The following CDKAL1 variants were observed in gnomAD, a reference collection of about 807,000 sequenced individuals.
CDKAL1 encodes the protein CDKAL1 threonylcarbamoyladenosine tRNA methylthiotransferase.
CDKAL1 carries 32 observed loss-of-function variants against 68.2 expected under a neutral mutation model. The observed-to-expected ratio is 0.47, with a 90% CI of 0.35 to 0.63. CDKAL1 has a LOEUF of 0.63. Ranked by LOEUF, CDKAL1 falls within the 30% of genes least tolerant of loss-of-function variation. The probability of loss-of-function intolerance (pLI) is 0.00; values close to 1 mark genes in which losing one functional copy is unlikely to be tolerated. For missense variants in CDKAL1, 606 were observed against 696.7 expected (o/e 0.87, Z 1.47); for synonymous variants, 234 against 244.3 (o/e 0.96, Z 0.39).
At chr6:20,564,726 A>G (rs1056346275) in intron 4 of CDKAL1, among the ~76,000 whole-genome samples, 3 of 152,230 alleles carry the variant, frequency 2.0e-5, no homozygotes, top group African/African-American at 7.2e-5. Context: ...TAAGCCTCTG[A>G]AAACAGTCCA....
At chr6:20,836,040 T>C (rs1034168432) in intron 8 of CDKAL1, among the ~76,000 whole-genome samples, 2 of 152,096 alleles carry the variant, frequency 1.3e-5, no homozygotes, top group African/African-American at 2.4e-5. Flanking sequence ...GACCCATGGG[T>C]TTCTGCTCCC....
At chr6:20,600,189 A>G (rs1008484705) in intron 4 of CDKAL1, among the ~76,000 whole-genome samples, 8 of 152,074 alleles carry the variant, frequency 5.3e-5, no homozygotes, top group South Asian at 2.1e-4. Context: ...TAATTTCTCA[A>G]TCATTTGGTC....
chr6:20,622,853 T>C (rs16883996), intron 4 of CDKAL1, among the ~76,000 whole-genome samples: 20,100 of 151,986 alleles, frequency 0.13, 1,703 homozygotes, highest in South Asian at 0.24. Context: ...TTTGCTGTTA[T>C]CTAGTACAAC....
At chr6:20,579,973 A>C (rs1465668975) in intron 4 of CDKAL1, among the ~76,000 whole-genome samples, 4 of 152,208 alleles carry the variant, frequency 2.6e-5, no homozygotes, top group African/African-American at 9.7e-5. Flanking sequence ...CACGTACCTT[A>C]AGCCTCAGCA....
rs118132953 is a variant in CDKAL1 at position 20,726,011 on chromosome 6, A to G, written c.372-13508A>G. On this transcript the variant is annotated intron_variant, in intron 5 of 15. Transcript: ENST00000274695. ...AAGAAAAATCAAAATATTTTACCCT[A>G]AAATACGTTTTTTTTTCTTCCATAT... Among the ~76,000 whole-genome samples the G allele has an allele frequency of 1.3e-3, 193 of 152,082 alleles. 1 individual carries two copies. Among genetic ancestry groups the G allele is most frequent in the Middle Eastern group, 3.4e-3 (1 of 294 alleles).
chr6:20,832,018 C>T (rs897493324), intron 8 of CDKAL1, among the ~76,000 whole-genome samples: 9 of 152,236 alleles, frequency 5.9e-5, no homozygotes, highest in Admixed American at 2.0e-4. Context: ...ATTGAACCAC[C>T]GCTGCGCTGT....
intron 4 of CDKAL1, among the ~76,000 whole-genome samples, chr6:20,643,271 T>C (rs943988975): frequency 6.6e-6 from 1 of 152,212 alleles, no homozygotes; most frequent in Non-Finnish European, 1.5e-5. Context: ...TTTAAGGCAC[T>C]GGAGGACCTG....
intron 10 of CDKAL1, 63 bp downstream of exon 10, chr6:20,955,648 G>A (rs1764741562): frequency 7.0e-7 from 1 of 1,428,246 alleles, no homozygotes; most frequent in Non-Finnish European, 9.6e-7. Context: ...CAGTGTGGCA[G>A]CCTCAGTATC....
chr6:20,568,608 G>A (rs190741611), intron 4 of CDKAL1, among the ~76,000 whole-genome samples: 46 of 151,754 alleles, frequency 3.0e-4, no homozygotes, highest in African/African-American at 1.0e-3. Flanking sequence ...GGTGGCGGGC[G>A]CCTGTAGTCC....
chr6:20,621,815 G>T, intron 4 of CDKAL1, among the ~76,000 whole-genome samples: 1 of 147,414 alleles, frequency 6.8e-6, no homozygotes, highest in African/African-American at 2.5e-5. Context: ...AAGATGCTCT[G>T]GGCTCATCTT....
intron 9 of CDKAL1, among the ~76,000 whole-genome samples, chr6:20,941,722 C>T (rs2150697663): frequency 6.6e-6 from 1 of 152,250 alleles, no homozygotes; most frequent in South Asian, 2.1e-4. Context: ...TTATTAAAAT[C>T]TTACATTATA....
At chr6:20,595,262 T>C (rs1765770617) in intron 4 of CDKAL1, among the ~76,000 whole-genome samples, 1 of 152,168 alleles carries the variant, frequency 6.6e-6, no homozygotes, top group African/African-American at 2.4e-5. Context: ...TCCTGCAGAG[T>C]GTTTTCCAAC....
intron 13 of CDKAL1, among the ~76,000 whole-genome samples, chr6:21,190,659 G>A (rs772572737): frequency 6.6e-6 from 1 of 152,164 alleles, no homozygotes; most frequent in Non-Finnish European, 1.5e-5. Context: ...GAGCCGCTGC[G>A]CCCGGGCTGA....
intron 12 of CDKAL1, among the ~76,000 whole-genome samples, chr6:21,089,223 C>T (rs1772863746): frequency 6.6e-6 from 1 of 152,122 alleles, no homozygotes; most frequent in Non-Finnish European, 1.5e-5. Flanking sequence ...TGCCCACAAT[C>T]CCAGCACTTC....
intron 15 of CDKAL1, among the ~76,000 whole-genome samples, chr6:21,205,852 T>TTTGG (rs1778905217): frequency 1.6e-5 from 2 of 126,002 alleles, no homozygotes; most frequent in Non-Finnish European, 1.6e-5. Context: ...TTTTTTTTTT[T>TTTGG]GAGACAGAGT....
intron 4 of CDKAL1, among the ~76,000 whole-genome samples, chr6:20,629,403 G>A (rs1767574964): frequency 6.6e-6 from 1 of 152,122 alleles, no homozygotes; most frequent in South Asian, 2.1e-4. Flanking sequence ...CCACTGTAAG[G>A]TTATTTTTTC....
At chr6:21,009,225 G>A (rs1767887933) in intron 11 of CDKAL1, among the ~76,000 whole-genome samples, 1 of 152,140 alleles carries the variant, frequency 6.6e-6, no homozygotes, top group Non-Finnish European at 1.5e-5. Context: ...CTAGCTTGTG[G>A]ATCTCCAAAT....
At chr6:20,833,577 C>T (rs1777807862) in intron 8 of CDKAL1, among the ~76,000 whole-genome samples, 1 of 151,884 alleles carries the variant, frequency 6.6e-6, no homozygotes, top group African/African-American at 2.4e-5. Flanking sequence ...TCACCTATGT[C>T]TATTCATAAT....
chr6:21,076,873 C>T (rs1345500908), intron 12 of CDKAL1, among the ~76,000 whole-genome samples: 2 of 152,050 alleles, frequency 1.3e-5, no homozygotes, highest in South Asian at 2.1e-4. Flanking sequence ...CTTCCATTTT[C>T]GATGGAGTTT....
Sources: gnomAD v4.1 joint callset for allele counts (sites outside exome capture counted in the v4.1 genomes callset) on GRCh38, gnomAD v4.1.1 for gene constraint, MANE v1.5 for transcripts, NCBI Gene and HGNC (gene_info 2026-07-23, HGNC 2026-07-21) for gene names.